TRIM8: variants seen among roughly 807,000 people sequenced by gnomAD.
TRIM8 encodes the protein tripartite motif containing 8.
TRIM8 carries 9 observed loss-of-function variants against 55.7 expected under a neutral mutation model. The ratio of observed to expected loss-of-function variants is 0.16; its 90% CI spans 0.10 to 0.28. The LOEUF (loss-of-function observed/expected upper bound fraction) is 0.28, where lower values mean the gene tolerates loss of function less well. Ranked by LOEUF, TRIM8 falls within the 10% of genes least tolerant of loss-of-function variation. The probability of loss-of-function intolerance (pLI) is 1.00; values close to 1 mark genes in which losing one functional copy is unlikely to be tolerated. For missense variants in TRIM8, 556 were observed against 736.4 expected (o/e 0.76, Z 2.83); for synonymous variants, 335 against 333.3 (o/e 1.01, Z -0.06).
chr10:102,654,724 C>G lies in TRIM8; in HGVS notation c.642C>G (p.Leu214=), dbSNP rs371142024. The G allele has an allele frequency of 1.9e-6, 3 of 1,614,148 alleles. No individual in the cohort carries two copies. The highest frequency in any genetic ancestry group is 1.1e-5 in the South Asian group (1 of 91,082). The change falls in exon 2 of 6, where the codon CTC becomes CTG. Residue 214 remains leucine (L), a synonymous_variant. Coordinates refer to ENST00000643721, the MANE Select transcript of TRIM8 (RefSeq NM_030912.3). ...ACATTGAGGACCAGCTGTACAAACT[C>G]GAGTCAGACAAGCGCCTGGTGGAGG... ...EQDIEDQLYK[L]ESDKRLVEEK...
rs2063917211 is a variant in TRIM8 at position 102,644,508 on chromosome 10, G to T, written c.-110G>T. On this transcript the variant is annotated 5_prime_UTR_variant, in exon 1 of 6. Coordinates refer to ENST00000643721, the MANE Select transcript of TRIM8 (RefSeq NM_030912.3). ...GCGCTGCTGACTGAGCGACCGTCGG[G>T]GCCGGCTGGGGCCGGAGCTCGGGGC... 9.5e-7 allele frequency: 1 copy of T among 1,057,090 alleles called. No homozygotes were observed. Among genetic ancestry groups the T allele is most frequent in the Non-Finnish European group, 1.3e-6 (1 of 766,640 alleles). The allele number at this position is 1,057,090 out of a possible 1,614,324, so 65.5% of individuals were successfully genotyped here. A position where few individuals can be genotyped will look rare whatever the true frequency, so the allele number is the denominator to read the frequency against.
chr10:102,646,701 CTT>C (rs1235333323), intron 1 of TRIM8, among the ~76,000 whole-genome samples: 35 of 152,308 alleles, frequency 2.3e-4, no homozygotes, highest in Non-Finnish European at 1.8e-4. Context: ...ACAGCCCACA[CTT>C]TCCCCAGTAT....
At chr10:102,655,648 TG>T (rs2064017747) in intron 3 of TRIM8, among the ~76,000 whole-genome samples, 1 of 152,258 alleles carries the variant, frequency 6.6e-6, no homozygotes, top group Non-Finnish European at 1.5e-5. Flanking sequence ...AGGCAATTTA[TG>T]GTCTTTATCT....
intron 3 of TRIM8, among the ~76,000 whole-genome samples, chr10:102,655,769 G>A (rs542621496): frequency 1.1e-4 from 17 of 152,158 alleles, no homozygotes; most frequent in African/African-American, 3.1e-4. Flanking sequence ...TGTATTCTCC[G>A]TCTAAAATCC....
In TRIM8 at chr10:102,657,498, T is replaced by A; in HGVS notation, c.*144T>A. ...CCCCAGGTCTTTTCCTTTTGGATTT[T>A]GTTTTGGTTTTGGCTTTGTTTTTGA... On this transcript the variant is annotated 3_prime_UTR_variant, in exon 6 of 6. Coordinates refer to ENST00000643721, the MANE Select transcript of TRIM8 (RefSeq NM_030912.3). The A allele has an allele frequency of 8.8e-7, 1 of 1,137,310 alleles. No individual in the cohort carries two copies. Among genetic ancestry groups the A allele is most frequent in the Admixed American group, 3.5e-5 (1 of 28,910 alleles). The allele number at this position is 1,137,310 out of a possible 1,614,324, so 70.5% of individuals were successfully genotyped here.
At chr10:102,649,009 G>T (rs1337595498) in intron 1 of TRIM8, among the ~76,000 whole-genome samples, 2 of 148,830 alleles carry the variant, frequency 1.3e-5, no homozygotes, top group Non-Finnish European at 3.0e-5. Context: ...GCCCTGGGTG[G>T]CTGCACATCT....
intron 1 of TRIM8, among the ~76,000 whole-genome samples, chr10:102,646,864 C>G (rs2063940179): frequency 6.6e-6 from 1 of 152,156 alleles, no homozygotes; most frequent in African/African-American, 2.4e-5. Context: ...CTGAAAGGAA[C>G]AGGGGAGGGG....
Position 102,656,327 on chromosome 10 carries a change from C to T in TRIM8, c.990C>T (p.Ser330=). The T allele has an allele frequency of 1.2e-6, 2 of 1,614,174 alleles. No homozygotes were observed. Among genetic ancestry groups the T allele is most frequent in the Non-Finnish European group, 1.7e-6 (2 of 1,180,008 alleles). The change falls in exon 5 of 6, where the codon TCC becomes TCT. Residue 330 remains serine, a synonymous_variant. Coordinates refer to ENST00000643721, the MANE Select transcript of TRIM8 (RefSeq NM_030912.3). The surrounding 1 kb of genome is among the most constrained non-coding windows in gnomAD (Gnocchi z 4.6). The part of the protein sequence containing the change: ...LSPTKIGHLN[S]KLFLNEVAKK... Reference sequence around the variant, plus strand: ...CCACTAAGATCGGCCACCTGAACTCCAAGCTCTTCCTGAACGAAGTGGCCA... The same window carrying T: ...CCACTAAGATCGGCCACCTGAACTCTAAGCTCTTCCTGAACGAAGTGGCCA...
chr10:102,650,041 A>AGG (rs1447131984), intron 1 of TRIM8, among the ~76,000 whole-genome samples: 2 of 32,742 alleles, frequency 6.1e-5, no homozygotes, highest in Admixed American at 2.9e-4. Flanking sequence ...CCACCACCAC[A>AGG]GGGGCTTCTG....
In TRIM8 at chr10:102,657,636, C is replaced by A. The variant is rs1190645238; in HGVS notation, c.*282C>A. The stretch of plus-strand genomic sequence containing the variant: ...AGTGTCTGTGTCGAGGCGCTGAGCT[C>A]TCTCTCTGTTTCTCCTTTTTTCCTC... On this transcript the variant is annotated 3_prime_UTR_variant, in exon 6 of 6. Transcript: ENST00000643721. The A allele has an allele frequency of 5.7e-6, 2 of 349,680 alleles. No individual in the cohort carries two copies. Among genetic ancestry groups the A allele is most frequent in the Non-Finnish European group, 1.0e-5 (2 of 193,148 alleles). The allele number at this position is 349,680 out of a possible 1,614,324, so 21.7% of individuals were successfully genotyped here.
chr10:102,652,317 A>G (rs905169423), intron 1 of TRIM8, among the ~76,000 whole-genome samples: 15 of 152,044 alleles, frequency 9.9e-5, no homozygotes, highest in African/African-American at 2.9e-4. Context: ...GGGGTGAGGA[A>G]GGGATTGATG....
In TRIM8 at chr10:102,644,556, G is replaced by A; in HGVS notation, c.-62G>A. 1 of 1,539,834 alleles carries A rather than the reference G, an allele frequency of 6.5e-7. No homozygotes were observed. The highest frequency in any genetic ancestry group is 1.9e-5 in the Admixed American group (1 of 53,034). On this transcript the variant is annotated 5_prime_UTR_variant, in exon 1 of 6. Transcript: ENST00000643721. Reference sequence around the variant, plus strand: ...GGCTCGGTGGGCCTACAGCGGCTCCGGACGGACCCCCGGGGCTGGGGAGTC... The same window carrying A: ...GGCTCGGTGGGCCTACAGCGGCTCCAGACGGACCCCCGGGGCTGGGGAGTC...
intron 1 of TRIM8, among the ~76,000 whole-genome samples, chr10:102,648,997 C>T (rs925855498): frequency 1.3e-5 from 2 of 151,574 alleles, no homozygotes; most frequent in Non-Finnish European, 1.5e-5. Context: ...CTGCCTTCTG[C>T]GGCCCTGGGT....
intron 1 of TRIM8, among the ~76,000 whole-genome samples, chr10:102,651,184 C>T (rs1457192885): frequency 6.6e-6 from 1 of 152,204 alleles, no homozygotes; most frequent in Non-Finnish European, 1.5e-5. Flanking sequence ...GAAATGAAAC[C>T]CTCCCACCTG....
At position 102,656,980 on chromosome 10, in the gene TRIM8, C is replaced by G; in HGVS notation, c.1282C>G (p.Leu428Val). The G allele has an allele frequency of 6.2e-7, 1 of 1,612,568 alleles. No homozygotes were observed. The highest frequency in any genetic ancestry group is 8.5e-7 in the Non-Finnish European group (1 of 1,179,704). ...CAGCTCCACGCAGCACTTGGTGGCCCTGCCGGGCGGCGCCCAACCAGTGCA... is the reference window on the plus strand; with the variant it reads ...CAGCTCCACGCAGCACTTGGTGGCCGTGCCGGGCGGCGCCCAACCAGTGCA... ...PCSSTQHLVA[L>V]PGGAQPVHSS... The change falls in exon 6 of 6, where the codon CTG (leucine) becomes GTG (valine). Residue 428 changes from leucine (L) to valine (V), a missense_variant. This residue lies in a region of TRIM8 where 391 missense variants were observed against 441.0 expected (regional missense o/e 0.89). Transcript: ENST00000643721. This position sits in a 1 kb window ranked among gnomAD's most constrained non-coding sequence, Gnocchi z 4.6.
intron 1 of TRIM8, among the ~76,000 whole-genome samples, chr10:102,653,307 A>G (rs1010312975): frequency 1.3e-5 from 2 of 152,088 alleles, no homozygotes; most frequent in Non-Finnish European, 2.9e-5. Flanking sequence ...AAGAATAGAC[A>G]GGGGAGGGAG....
At chr10:102,652,003 C>T (rs778776957) in intron 1 of TRIM8, among the ~76,000 whole-genome samples, 5 of 152,190 alleles carry the variant, frequency 3.3e-5, no homozygotes, top group Non-Finnish European at 7.4e-5. Flanking sequence ...CCTGCCCACT[C>T]ATGCTGTGTG....
chr10:102,656,047 C>T lies in TRIM8; in HGVS notation c.901-59C>T. ...GGGGGCAGCTTTTGTCTTCCCCTCT[C>T]CCCGGGCTCTCCCTGGACTGCCTTT... On this transcript the variant is annotated intron_variant, in intron 3 of 5. Transcript: ENST00000643721. This position sits in a 1 kb window ranked among gnomAD's most constrained non-coding sequence, Gnocchi z 4.6. 6.3e-7 allele frequency: 1 copy of T among 1,591,370 alleles called. No homozygotes were observed.
intron 3 of TRIM8, among the ~76,000 whole-genome samples, 173 bp downstream of exon 3, chr10:102,655,486 A>T (rs1299744723): frequency 2.6e-5 from 4 of 152,212 alleles, no homozygotes; most frequent in Non-Finnish European, 2.9e-5. Context: ...AGTCATAGGT[A>T]CATCCCGGGC....
Sources: gnomAD v4.1 joint callset for allele counts (sites outside exome capture counted in the v4.1 genomes callset) on GRCh38, gnomAD v4.1.1 for gene constraint, gnomAD v4.1.1 regional missense constraint, Gnocchi (gnomAD v3.1) non-coding constraint, MANE v1.5 for transcripts, NCBI Gene and HGNC (gene_info 2026-07-23, HGNC 2026-07-21) for gene names.